The following SMYD3 variants were observed in gnomAD, a reference collection of about 807,000 sequenced individuals.
SMYD3 encodes histone-lysine N-methyltransferase SMYD3.
SMYD3 carries 36 observed loss-of-function variants against 57.7 expected under a neutral mutation model. That is an observed-to-expected ratio of 0.62 (90% CI 0.48 to 0.82). The LOEUF (loss-of-function observed/expected upper bound fraction) is 0.82, where lower values mean the gene tolerates loss of function less well. SMYD3 is among the 40% of genes least tolerant of loss of function. The pLI is 0.00. For synonymous variants in SMYD3, 211 were observed against 195.0 expected (o/e 1.08, Z -0.68); for missense variants, 515 against 538.8 (o/e 0.96, Z 0.44).
chr1:246,206,981 C>T (rs943103362), intron 5 of SMYD3, among the ~76,000 whole-genome samples: 1 of 152,136 alleles, frequency 6.6e-6, no homozygotes, highest in Non-Finnish European at 1.5e-5. Context: ...GACTCAGAAG[C>T]TTCTGAAGGA....
At chr1:245,956,023 C>CA (rs1209981948) in intron 5 of SMYD3, 2 of 985,054 alleles carry the variant, frequency 2.0e-6, no homozygotes, top group Non-Finnish European at 2.4e-6. Context: ...TTTGTAAATG[C>CA]AAAAAATTAC....
chr1:246,080,945 G>A (rs1489651885), intron 5 of SMYD3, among the ~76,000 whole-genome samples: 2 of 152,212 alleles, frequency 1.3e-5, no homozygotes, highest in Admixed American at 6.5e-5. Flanking sequence ...TTTATGGAAT[G>A]CATGTATATT....
At chr1:245,844,537 A>G (rs2050563941) in intron 10 of SMYD3, among the ~76,000 whole-genome samples, 1 of 152,192 alleles carries the variant, frequency 6.6e-6, no homozygotes, top group South Asian at 2.1e-4. Context: ...GGTCTGAGGC[A>G]GTGTTTAAAC....
At chr1:246,226,661 G>A (rs1304086080) in intron 5 of SMYD3, among the ~76,000 whole-genome samples, 1 of 152,168 alleles carries the variant, frequency 6.6e-6, no homozygotes, top group Non-Finnish European at 1.5e-5. Context: ...GGTTAGAGTG[G>A]AACTGGGAAA....
chr1:245,900,945 A>G (rs2148614151), intron 8 of SMYD3, among the ~76,000 whole-genome samples: 1 of 152,342 alleles, frequency 6.6e-6, no homozygotes, highest in East Asian at 1.9e-4. Context: ...GGCTAACAAT[A>G]AAGTAGATTG....
intron 5 of SMYD3, among the ~76,000 whole-genome samples, chr1:246,207,209 A>C (rs957377361): frequency 1.3e-5 from 2 of 152,180 alleles, no homozygotes; most frequent in Non-Finnish European, 2.9e-5. Context: ...CACACATAAA[A>C]CATCAGAAAA....
rs916647460 is a variant in SMYD3 at position 245,771,460 on chromosome 1, T to C, written c.1077-7311A>G. 5.9e-5 allele frequency among the ~76,000 whole-genome samples: 9 copies of C among 152,204 alleles called. No individual in the cohort carries two copies. The South Asian group carries it at 1.4e-3, about 25-fold the overall frequency. ...GGAGATAGCCTCAAGTTTCAAAAGA[T>C]TTGGAATTTTACTAAATTTTGAGCC... On this transcript the variant is annotated intron_variant, in intron 10 of 11. Coordinates refer to ENST00000490107, the MANE Select transcript of SMYD3 (RefSeq NM_001167740.2).
chr1:245,768,992 A>G (rs2046230379), intron 10 of SMYD3, among the ~76,000 whole-genome samples: 1 of 152,200 alleles, frequency 6.6e-6, no homozygotes, highest in South Asian at 2.1e-4. Context: ...ACTGATGCAA[A>G]ACATATTACT....
intron 5 of SMYD3, among the ~76,000 whole-genome samples, chr1:246,069,057 C>T (rs1325324141): frequency 3.3e-5 from 5 of 152,068 alleles, no homozygotes; most frequent in African/African-American, 9.7e-5. Flanking sequence ...ATGACAAAGG[C>T]GACCAACTAC....
intron 7 of SMYD3, among the ~76,000 whole-genome samples, chr1:245,918,432 C>G (rs545481396): frequency 2.0e-5 from 3 of 152,284 alleles, no homozygotes; most frequent in Non-Finnish European, 4.4e-5. Context: ...ACCGTCAAAC[C>G]TAAAATACTC....
intron 1 of SMYD3, among the ~76,000 whole-genome samples, chr1:246,369,587 C>T (rs899179152): frequency 3.3e-5 from 5 of 152,070 alleles, no homozygotes; most frequent in Non-Finnish European, 7.4e-5. Flanking sequence ...AGCACAATGG[C>T]ACAAACACAG....
chr1:246,256,078 G>T (rs1033379218), intron 5 of SMYD3, among the ~76,000 whole-genome samples: 1 of 152,006 alleles, frequency 6.6e-6, no homozygotes, highest in African/African-American at 2.4e-5. Flanking sequence ...TGATTACAAG[G>T]TCCCACAATA....
At chr1:245,965,021 A>G (rs2058104382) in intron 5 of SMYD3, among the ~76,000 whole-genome samples, 1 of 152,178 alleles carries the variant, frequency 6.6e-6, no homozygotes, top group Non-Finnish European at 1.5e-5. Context: ...ACCTCTGGGC[A>G]TATCATATTT....
chr1:246,415,968 C>T (rs900181565), intron 1 of SMYD3, among the ~76,000 whole-genome samples: 8 of 152,142 alleles, frequency 5.3e-5, no homozygotes, highest in Admixed American at 5.2e-4. Flanking sequence ...CGTAAGTACA[C>T]TAGACTGGAA....
At chr1:245,787,628 A>T (rs200888717) in intron 10 of SMYD3, among the ~76,000 whole-genome samples, 1 of 68,406 alleles carries the variant, frequency 1.5e-5, no homozygotes, top group Non-Finnish European at 2.8e-5. Context: ...TCAGGGTGTT[A>T]AAAAAAAAAA....
chr1:246,182,720 T>G (rs2062573594), intron 5 of SMYD3, among the ~76,000 whole-genome samples: 1 of 152,234 alleles, frequency 6.6e-6, no homozygotes, highest in African/African-American at 2.4e-5. Flanking sequence ...ATTAGAATCC[T>G]GTATCTGGAA....
intron 1 of SMYD3, among the ~76,000 whole-genome samples, chr1:246,398,405 G>A (rs1355304720): frequency 6.6e-6 from 1 of 152,228 alleles, no homozygotes; most frequent in Non-Finnish European, 1.5e-5. Context: ...GGCGGAGTCA[G>A]CCATGCTGGA....
At chr1:246,270,554 A>G (rs1572314844) in intron 5 of SMYD3, among the ~76,000 whole-genome samples, 2 of 152,304 alleles carry the variant, frequency 1.3e-5, no homozygotes, top group East Asian at 3.9e-4. Flanking sequence ...GTATCTCATA[A>G]AAGTGGAGTC....
chr1:246,232,007 G>A (rs1321813442), intron 5 of SMYD3, among the ~76,000 whole-genome samples: 7 of 152,190 alleles, frequency 4.6e-5, no homozygotes, highest in African/African-American at 1.4e-4. Flanking sequence ...CAGTCCAGGA[G>A]AAGCGCAGCA....
Sources: allele counts gnomAD v4.1 joint callset (sites outside exome capture counted in the v4.1 genomes callset), GRCh38; gene constraint gnomAD v4.1.1; transcripts MANE v1.5; gene names NCBI Gene and HGNC (gene_info 2026-07-23, HGNC 2026-07-21).